The following LGSN variants were observed in gnomAD, a reference collection of about 807,000 sequenced individuals.
LGSN encodes the protein lengsin.
In LGSN, 21 loss-of-function variants were observed where a neutral mutation model predicts 19.5. The ratio of observed to expected loss-of-function variants is 1.07; its 90% confidence interval spans 0.76 to 1.55. The LOEUF is 1.55. Among genes scored for constraint, LGSN ranks in the 40% most tolerant of loss-of-function variants. The pLI is 0.00. For missense variants in LGSN, 673 were observed against 608.5 expected (o/e 1.11, Z -1.12); for synonymous variants, 257 against 215.6 (o/e 1.19, Z -1.68).
intron 1 of LGSN, among the ~76,000 whole-genome samples, chr6:63,315,475 T>A (rs1768802701): frequency 6.6e-6 from 1 of 152,076 alleles, no homozygotes; most frequent in Non-Finnish European, 1.5e-5. Context: ...AAATTTTACC[T>A]TTTCTTTAGG....
the LGSN span, among the ~76,000 whole-genome samples, chr6:63,466,291 A>T: frequency 6.6e-6 from 1 of 152,174 alleles, no homozygotes; most frequent in African/African-American, 2.4e-5. Flanking sequence ...ACAGGGTCTC[A>T]CTTTGTCACT....
chr6:63,434,377 T>C, the LGSN span, among the ~76,000 whole-genome samples: 2 of 148,046 alleles, frequency 1.4e-5, no homozygotes, highest in Admixed American at 1.4e-4. Flanking sequence ...GAGGTGGAGG[T>C]TGCAGTGAGC....
chr6:63,535,189 G>A, the LGSN span, among the ~76,000 whole-genome samples: 184 of 151,300 alleles, frequency 1.2e-3, 2 homozygotes, highest in African/African-American at 4.3e-3. Flanking sequence ...TAATAGGACA[G>A]GCACAGTGGC....
chr6:63,324,769 C>A (rs1399203059), upstream of LGSN, among the ~76,000 whole-genome samples: 9 of 151,366 alleles, frequency 5.9e-5, no homozygotes, highest in South Asian at 6.3e-4. Context: ...ACAGCAAAAG[C>A]TCTGCTAAGA....
intron 1 of LGSN, among the ~76,000 whole-genome samples, chr6:63,304,857 C>T (rs939247006): frequency 2.6e-5 from 4 of 152,082 alleles, no homozygotes; most frequent in African/African-American, 9.7e-5. Context: ...AATGCCTGAT[C>T]GTGAAGACAC....
chr6:63,481,756 G>A, the LGSN span: 3 of 259,364 alleles, frequency 1.2e-5, no homozygotes, highest in Non-Finnish European at 2.3e-5. Context: ...AGTGGGATAC[G>A]GAATTTTAAA....
chr6:63,540,872 G>A, the LGSN span, among the ~76,000 whole-genome samples: 3 of 151,032 alleles, frequency 2.0e-5, no homozygotes, highest in African/African-American at 4.9e-5. Context: ...TCTTGGTGGC[G>A]GTCACCTATA....
At position 63,319,915 on chromosome 6, in the gene LGSN, T is replaced by A; in HGVS notation, c.29A>T (p.Glu10Val). The A allele has an allele frequency of 6.2e-7, 1 of 1,607,802 alleles. No individual in the cohort carries two copies. Among genetic ancestry groups the A allele is most frequent in the Non-Finnish European group, 8.5e-7 (1 of 1,174,538 alleles). The stretch of plus-strand genomic sequence containing the variant: ...ACATTTTAATGATTAGCTTCATACC[T>A]CCTGCAGAAGGTCCTCTTCATTATT... MNNEEDLLQ[E>V]DSTRDEGNET... Residue 10 changes from glutamate (E) to valine (V), a missense_variant and splice_region_variant, in exon 1 of 4, where the codon GAG becomes GTG. Transcript: ENST00000370657.
chr6:63,569,891 G>A, the LGSN span, among the ~76,000 whole-genome samples: 1 of 152,196 alleles, frequency 6.6e-6, no homozygotes, highest in Non-Finnish European at 1.5e-5. Context: ...AAGGGTTAGT[G>A]AGTCCTCAAA....
chr6:63,427,821 ACT>A, the LGSN span, among the ~76,000 whole-genome samples: 3 of 152,204 alleles, frequency 2.0e-5, no homozygotes, highest in East Asian at 5.8e-4. Flanking sequence ...CTCCCTCAAA[ACT>A]CTGCTCACAT....
At chr6:63,284,206 G>A (rs1405575858) in intron 3 of LGSN, among the ~76,000 whole-genome samples, 2 of 152,072 alleles carry the variant, frequency 1.3e-5, no homozygotes, top group Non-Finnish European at 2.9e-5. Context: ...TAATGAAATA[G>A]GGAAGTTAGT....
chr6:63,545,173 T>A, the LGSN span, among the ~76,000 whole-genome samples: 1 of 152,346 alleles, frequency 6.6e-6, no homozygotes, highest in Admixed American at 6.5e-5. Context: ...TCTGTTTCTA[T>A]CTTTTCTTAT....
chr6:63,354,785 A>G, the LGSN span, among the ~76,000 whole-genome samples: 20,704 of 152,192 alleles, frequency 0.14, 3,120 homozygotes, highest in African/African-American at 0.37. Context: ...TACACAATGG[A>G]ATACTATTTA....
At chr6:63,485,556 G>A in the LGSN span, among the ~76,000 whole-genome samples, 22 of 152,192 alleles carry the variant, frequency 1.4e-4, no homozygotes, top group East Asian at 4.2e-3. Context: ...AGTCAGTAAT[G>A]GTATTGCTGC....
Position 63,290,025 on chromosome 6 carries a change from A to G in LGSN, c.164-4272T>C, listed in dbSNP as rs576768164. Among the ~76,000 whole-genome samples the G allele has an allele frequency of 2.6e-5, 4 of 152,220 alleles. No homozygotes were observed. In the South Asian group the frequency reaches 6.2e-4, roughly 24 times the overall value. On this transcript the variant is annotated intron_variant, in intron 2 of 3. Coordinates refer to ENST00000370657, the MANE Select transcript of LGSN (RefSeq NM_016571.3). ...CAAAGCAGGGAAAAAAAGCAATACAATAAAAAGTGGGAGGGAAAGGGGGCT... is the reference window on the plus strand; with the variant it reads ...CAAAGCAGGGAAAAAAAGCAATACAGTAAAAAGTGGGAGGGAAAGGGGGCT...
the LGSN span, among the ~76,000 whole-genome samples, chr6:63,448,926 A>T: frequency 6.6e-6 from 1 of 152,234 alleles, no homozygotes; most frequent in East Asian, 1.9e-4. Flanking sequence ...ACAACAAAAA[A>T]TACAAATTTT....
the LGSN span, among the ~76,000 whole-genome samples, chr6:63,449,802 A>C: frequency 6.6e-6 from 1 of 152,172 alleles, no homozygotes; most frequent in African/African-American, 2.4e-5. Flanking sequence ...AAACACTAAC[A>C]CTGAACAATA....
the LGSN span, among the ~76,000 whole-genome samples, chr6:63,490,543 G>A: frequency 6.6e-6 from 1 of 151,896 alleles, no homozygotes; most frequent in Non-Finnish European, 1.5e-5. Flanking sequence ...AGATCCAAAA[G>A]GTATCTATTT....
At chr6:63,524,691 T>C in the LGSN span, among the ~76,000 whole-genome samples, 1 of 152,192 alleles carries the variant, frequency 6.6e-6, no homozygotes, top group Admixed American at 6.6e-5. Context: ...ATGCAAAGTG[T>C]TATTTCTTTT....
Sources: gnomAD v4.1 joint callset for allele counts (sites outside exome capture counted in the v4.1 genomes callset) on GRCh38, gnomAD v4.1.1 for gene constraint, MANE v1.5 for transcripts, NCBI Gene and HGNC (gene_info 2026-07-23, HGNC 2026-07-21) for gene names.